Variants in MYO16 observed in about 807,000 individuals in gnomAD.
The protein encoded by MYO16 is unconventional myosin-XVI.
A neutral mutation model predicts 205.3 loss-of-function variants in MYO16; 94 were observed. The ratio of observed to expected loss-of-function variants is 0.46; its 90% CI spans 0.39 to 0.54. The LOEUF is 0.54. Ranked by LOEUF, MYO16 falls within the 20% of genes least tolerant of loss-of-function variation. MYO16 has a pLI of 0.00. For synonymous variants in MYO16, 988 were observed against 954.0 expected, an observed-to-expected ratio of 1.04 and a Z score of -0.66; for missense variants, 2,315 against 2,387.5, an observed-to-expected ratio of 0.97 and a Z score of 0.63.
At chr13:108,724,092 A>T (rs1331515235) in intron 3 of MYO16, among the ~76,000 whole-genome samples, 1 of 152,144 alleles carries the variant, frequency 6.6e-6, no homozygotes, top group East Asian at 1.9e-4. Flanking sequence ...CTTAATTTAA[A>T]AATTATTTTT....
chr13:108,780,186 C>T (rs1355106802), intron 4 of MYO16: 1 of 152,102 alleles, frequency 6.6e-6, no homozygotes, highest in African/African-American at 2.4e-5. Context: ...TGAGAAACAA[C>T]TCCCTGGGCT....
chr13:108,797,096 T>C (rs1049135966), intron 6 of MYO16, among the ~76,000 whole-genome samples: 44 of 152,082 alleles, frequency 2.9e-4, no homozygotes, highest in Admixed American at 2.8e-3. Context: ...ATGTGTTGTG[T>C]GATTAGAATG....
At chr13:109,058,207 T>C (rs1477866644) in intron 27 of MYO16, among the ~76,000 whole-genome samples, 2 of 152,120 alleles carry the variant, frequency 1.3e-5, no homozygotes, top group African/African-American at 4.8e-5. Context: ...GGACAATGTT[T>C]TTGTTTTGTT....
intron 11 of MYO16, among the ~76,000 whole-genome samples, chr13:108,861,910 A>G (rs978249161): frequency 3.3e-5 from 5 of 152,128 alleles, no homozygotes; most frequent in Non-Finnish European, 7.4e-5. Flanking sequence ...CTCTTCAAAT[A>G]GCGTATTTAA....
chr13:108,605,234 G>A (rs926465259), intron 1 of MYO16, among the ~76,000 whole-genome samples: 6 of 152,126 alleles, frequency 3.9e-5, no homozygotes, highest in South Asian at 2.1e-4. Context: ...ATAGCCATGA[G>A]TGCCAAAAAT....
upstream of MYO16, among the ~76,000 whole-genome samples, chr13:108,627,382 A>C (rs1879784159): frequency 1.3e-5 from 2 of 152,318 alleles, no homozygotes; most frequent in South Asian, 2.1e-4. Flanking sequence ...ATCCTCCTTC[A>C]ACTCCTCAAA....
chr13:108,548,777 T>C, the MYO16 span, among the ~76,000 whole-genome samples: 1 of 152,096 alleles, frequency 6.6e-6, no homozygotes, highest in Non-Finnish European at 1.5e-5. Flanking sequence ...GTATTTTAGG[T>C]TCAAGATTAG....
chr13:108,688,697 G>C (rs1023796521), intron 2 of MYO16, among the ~76,000 whole-genome samples: 2 of 152,196 alleles, frequency 1.3e-5, no homozygotes, highest in Admixed American at 1.3e-4. Context: ...CTTTTCTCCT[G>C]AACTTTTTAT....
intron 16 of MYO16, among the ~76,000 whole-genome samples, chr13:108,915,254 A>G (rs1881443398): frequency 6.6e-6 from 1 of 152,226 alleles, no homozygotes; most frequent in African/African-American, 2.4e-5. Context: ...ACAACAAGAA[A>G]AAAAGTCTGT....
At chr13:108,524,746 A>G in the MYO16 span, among the ~76,000 whole-genome samples, 1 of 152,100 alleles carries the variant, frequency 6.6e-6, no homozygotes, top group Non-Finnish European at 1.5e-5. Context: ...TGGAGCATGG[A>G]TTGGGATTGT....
At chr13:109,117,480 A>G (rs1875775171) in intron 28 of MYO16, among the ~76,000 whole-genome samples, 1 of 148,026 alleles carries the variant, frequency 6.8e-6, no homozygotes, top group Admixed American at 6.8e-5. Context: ...ATGTATGTAT[A>G]TGTATATATA....
chr13:108,943,314 A>G (rs561925855), intron 16 of MYO16, among the ~76,000 whole-genome samples: 1 of 152,324 alleles, frequency 6.6e-6, no homozygotes, highest in East Asian at 1.9e-4. Flanking sequence ...TGTTGCTGAA[A>G]TGCAAAATGA....
intron 3 of MYO16, among the ~76,000 whole-genome samples, chr13:108,717,270 A>G (rs897617426): frequency 6.6e-6 from 1 of 152,124 alleles, no homozygotes; most frequent in African/African-American, 2.4e-5. Context: ...TCTTTCTTTG[A>G]TCAAGTGAAT....
intron 3 of MYO16, among the ~76,000 whole-genome samples, chr13:108,714,790 T>A (rs1020072020): frequency 1.3e-5 from 2 of 152,194 alleles, no homozygotes; most frequent in Non-Finnish European, 2.9e-5. Flanking sequence ...ATCTGACTTT[T>A]AATGAACACA....
At chr13:109,097,957 AAATGTCTTC>A (rs1226779398) in intron 27 of MYO16, among the ~76,000 whole-genome samples, 4 of 152,182 alleles carry the variant, frequency 2.6e-5, no homozygotes, top group African/African-American at 9.6e-5. Flanking sequence ...AGGAAATAAG[AAATGTCTTC>A]AGCTGAGAAG....
chr13:108,719,511 C>A (rs1400889873), intron 3 of MYO16, among the ~76,000 whole-genome samples: 1 of 151,928 alleles, frequency 6.6e-6, no homozygotes, highest in Admixed American at 6.6e-5. Flanking sequence ...AGCTTTCTGC[C>A]TGCGTCATCC....
intron 13 of MYO16, chr13:108,886,539 C>G: frequency 2.2e-6 from 1 of 455,130 alleles, no homozygotes; most frequent in South Asian, 1.6e-5. Flanking sequence ...GCCTGGTGCC[C>G]CCTTCTCAGT....
chr13:108,631,192 C>A (rs77814569), intron 1 of MYO16, among the ~76,000 whole-genome samples: 2,959 of 152,190 alleles, frequency 0.019, 84 homozygotes, highest in African/African-American at 0.068. Flanking sequence ...TCATTATTTT[C>A]CTTGCTGTGC....
intron 4 of MYO16, among the ~76,000 whole-genome samples, chr13:108,777,611 C>G (rs962475556): frequency 6.6e-6 from 1 of 152,182 alleles, no homozygotes; most frequent in Non-Finnish European, 1.5e-5. Context: ...GTACCCACCA[C>G]AGTGGGCAAG....
Sources: allele counts gnomAD v4.1 joint callset (sites outside exome capture counted in the v4.1 genomes callset), GRCh38; gene constraint gnomAD v4.1.1; transcripts MANE v1.5; gene names NCBI Gene and HGNC (gene_info 2026-07-23, HGNC 2026-07-21).